PDK1: variants seen among roughly 807,000 people sequenced by gnomAD.
PDK1 encodes the protein pyruvate dehydrogenase kinase 1.
In PDK1, 39 loss-of-function variants were observed where a neutral mutation model predicts 54.2. That is an observed-to-expected ratio of 0.72 (90% CI 0.56 to 0.94). The LOEUF (loss-of-function observed/expected upper bound fraction) is 0.94. Among genes scored for constraint, PDK1 ranks in the 40% least tolerant of loss-of-function variants. The pLI is 0.00. For synonymous variants in PDK1, 221 were observed against 207.1 expected, an observed-to-expected ratio of 1.07 and a Z score of -0.58; for missense variants, 552 against 566.0, an observed-to-expected ratio of 0.98 and a Z score of 0.25.
At chr2:172,594,872 A>C (rs1422243953) in intron 10 of PDK1, among the ~76,000 whole-genome samples, 1 of 152,218 alleles carries the variant, frequency 6.6e-6, no homozygotes, top group African/African-American at 2.4e-5. Flanking sequence ...TAGGAAGCTG[A>C]AATACAATGG....
chr2:172,641,418 G>T, the PDK1 span, among the ~76,000 whole-genome samples: 1 of 150,652 alleles, frequency 6.6e-6, no homozygotes, highest in African/African-American at 2.4e-5. Context: ...CAGGTGTAAG[G>T]TGCCACATCT....
At chr2:172,640,237 G>A in the PDK1 span, among the ~76,000 whole-genome samples, 1 of 152,206 alleles carries the variant, frequency 6.6e-6, no homozygotes, top group Non-Finnish European at 1.5e-5. Flanking sequence ...AAACATTTTA[G>A]TACGGTTAAG....
chr2:172,699,764 T>A, the PDK1 span, among the ~76,000 whole-genome samples: 2 of 152,100 alleles, frequency 1.3e-5, no homozygotes, highest in South Asian at 2.1e-4. Context: ...ATTATTATTT[T>A]TTTTTTAGTA....
At chr2:172,631,063 A>G in the PDK1 span, among the ~76,000 whole-genome samples, 2 of 152,224 alleles carry the variant, frequency 1.3e-5, no homozygotes, top group African/African-American at 2.4e-5. Flanking sequence ...AGTCATCTTT[A>G]TATATAGGTT....
At chr2:172,641,143 T>C in the PDK1 span, among the ~76,000 whole-genome samples, 1 of 144,328 alleles carries the variant, frequency 6.9e-6, no homozygotes, top group African/African-American at 2.5e-5. Context: ...TTCTTCTTTC[T>C]TCTTTTGAGA....
the PDK1 span, among the ~76,000 whole-genome samples, chr2:172,700,871 C>T: frequency 6.6e-6 from 1 of 152,268 alleles, no homozygotes; most frequent in East Asian, 1.9e-4. Context: ...GGCATGGCGG[C>T]GCACGCCTGC....
At chr2:172,718,050 C>CT in the PDK1 span, among the ~76,000 whole-genome samples, 1 of 152,090 alleles carries the variant, frequency 6.6e-6, no homozygotes, top group Non-Finnish European at 1.5e-5. Flanking sequence ...ATCTGCTGAT[C>CT]TTTTTTTGAG....
At chr2:172,660,760 C>G in the PDK1 span, among the ~76,000 whole-genome samples, 3 of 151,852 alleles carry the variant, frequency 2.0e-5, no homozygotes, top group Admixed American at 2.0e-4. Flanking sequence ...TTTGGGTTTC[C>G]TGTGGATTCC....
intron 8 of PDK1, among the ~76,000 whole-genome samples, chr2:172,581,945 T>A (rs1377583602): frequency 6.6e-6 from 1 of 152,030 alleles, no homozygotes; most frequent in Non-Finnish European, 1.5e-5. Flanking sequence ...TGGAGTGTTA[T>A]TCTGTTACCC....
chr2:172,657,967 G>T, the PDK1 span, among the ~76,000 whole-genome samples: 4 of 152,332 alleles, frequency 2.6e-5, no homozygotes, highest in Admixed American at 2.6e-4. Flanking sequence ...AGGGGAACTG[G>T]CATGTGCAGA....
the PDK1 span, among the ~76,000 whole-genome samples, chr2:172,653,590 C>T: frequency 2.4e-4 from 34 of 144,326 alleles, no homozygotes; most frequent in African/African-American, 7.0e-4. Context: ...GCGACAAGAG[C>T]GAGACTCCAT....
chr2:172,651,861 G>A, the PDK1 span, among the ~76,000 whole-genome samples: 1 of 152,164 alleles, frequency 6.6e-6, no homozygotes, highest in Non-Finnish European at 1.5e-5. Flanking sequence ...AAGACCAGAC[G>A]GATTCACAGC....
chr2:172,586,114 G>A (rs1035037280), intron 8 of PDK1, among the ~76,000 whole-genome samples, 164 bp from the exon 9 acceptor site: 7 of 147,294 alleles, frequency 4.8e-5, no homozygotes, highest in Non-Finnish European at 8.9e-5. Flanking sequence ...AGCTGAGGTC[G>A]CACCACTGCA....
chr2:172,628,051 A>T, the PDK1 span, among the ~76,000 whole-genome samples: 34 of 152,230 alleles, frequency 2.2e-4, no homozygotes, highest in African/African-American at 6.3e-4. Flanking sequence ...AAGTCTTTGA[A>T]TCTGTCTATG....
the PDK1 span, among the ~76,000 whole-genome samples, chr2:172,621,736 A>ATG: frequency 4.5e-3 from 664 of 146,146 alleles, 23 homozygotes; most frequent in African/African-American, 0.016. Flanking sequence ...TATATCTCAT[A>ATG]TATGTCATAT....
the PDK1 span, among the ~76,000 whole-genome samples, chr2:172,646,388 C>T: frequency 2.3e-4 from 35 of 151,662 alleles, no homozygotes; most frequent in African/African-American, 8.4e-4. Flanking sequence ...CCCTTTTTTT[C>T]TTTCTAATTT....
the PDK1 span, among the ~76,000 whole-genome samples, chr2:172,720,116 C>CTCTCTTT: frequency 1.8e-4 from 21 of 116,728 alleles, no homozygotes; most frequent in African/African-American, 6.5e-4. Context: ...CTCTCTCTCT[C>CTCTCTTT]TTTTTTTTTT....
chr2:172,621,863 CAT>C, the PDK1 span, among the ~76,000 whole-genome samples: 175 of 137,814 alleles, frequency 1.3e-3, 6 homozygotes, highest in East Asian at 0.028. Flanking sequence ...GTTTATATCT[CAT>C]ATGTATGATA....
chr2:172,677,604 TG>T, the PDK1 span: 1 of 152,316 alleles, frequency 6.6e-6, no homozygotes, highest in Admixed American at 6.5e-5. Flanking sequence ...AAATAACAAT[TG>T]GAAGTGTTTG....
Sources: gnomAD v4.1 joint callset for allele counts (sites outside exome capture counted in the v4.1 genomes callset) on GRCh38, gnomAD v4.1.1 for gene constraint, MANE v1.5 for transcripts, NCBI Gene and HGNC (gene_info 2026-07-23, HGNC 2026-07-21) for gene names.